The following SEMA3E variants were observed in gnomAD, a reference collection of about 807,000 sequenced individuals.
The protein encoded by SEMA3E is semaphorin-3E.
Under a neutral mutation model 93.6 loss-of-function variants are expected in SEMA3E, and 49 were observed. That is an observed-to-expected ratio of 0.52 (90% CI 0.42 to 0.66). SEMA3E has a LOEUF of 0.66. Among genes scored for constraint, SEMA3E ranks in the 30% least tolerant of loss-of-function variants. The pLI, the probability that SEMA3E is intolerant of heterozygous loss-of-function variation, is 0.00. For synonymous variants in SEMA3E, 363 were observed against 330.7 expected, an observed-to-expected ratio of 1.10 and a Z score of -1.06; for missense variants, 906 against 964.8, an observed-to-expected ratio of 0.94 and a Z score of 0.81.
intron 4 of SEMA3E, among the ~76,000 whole-genome samples, chr7:83,432,867 A>T (rs2115751603): frequency 6.6e-6 from 1 of 152,276 alleles, no homozygotes. Context: ...AATACAGAAA[A>T]AATAATTTAT....
chr7:83,472,194 T>G (rs1377545980), intron 2 of SEMA3E, among the ~76,000 whole-genome samples: 1 of 152,206 alleles, frequency 6.6e-6, no homozygotes, highest in African/African-American at 2.4e-5. Flanking sequence ...CCGAAATGGC[T>G]ACATGTCTAT....
At chr7:83,422,783 T>C (rs1788690857) in intron 4 of SEMA3E, among the ~76,000 whole-genome samples, 1 of 152,214 alleles carries the variant, frequency 6.6e-6, no homozygotes, top group Non-Finnish European at 1.5e-5. Flanking sequence ...TACAAGTACA[T>C]TGCGTATTTA....
chr7:83,527,198 G>GT (rs201323531), intron 1 of SEMA3E, among the ~76,000 whole-genome samples: 2 of 151,992 alleles, frequency 1.3e-5, no homozygotes, highest in African/African-American at 4.8e-5. Context: ...GGAAAAAAAG[G>GT]TTTTTTTCTC....
chr7:83,535,210 T>C (rs1430397194), intron 1 of SEMA3E, among the ~76,000 whole-genome samples: 1 of 152,144 alleles, frequency 6.6e-6, no homozygotes, highest in Admixed American at 6.6e-5. Context: ...AAGAGTTTCA[T>C]AGCTTGGGAC....
chr7:83,495,410 A>C (rs1333210844), intron 1 of SEMA3E, among the ~76,000 whole-genome samples: 1 of 151,840 alleles, frequency 6.6e-6, no homozygotes, highest in Non-Finnish European at 1.5e-5. Context: ...CATCTATCTC[A>C]TCCATAAGAA....
intron 4 of SEMA3E, among the ~76,000 whole-genome samples, chr7:83,425,600 T>C (rs1347942006): frequency 6.6e-6 from 1 of 152,206 alleles, no homozygotes; most frequent in African/African-American, 2.4e-5. Context: ...CCTATAATTT[T>C]ATATAAGGGA....
At chr7:83,437,168 A>C (rs1789021618) in intron 4 of SEMA3E, among the ~76,000 whole-genome samples, 1 of 152,144 alleles carries the variant, frequency 6.6e-6, no homozygotes, top group African/African-American at 2.4e-5. Context: ...GTAGTATTTC[A>C]AAGCACTATG....
chr7:83,439,840 CCTCT>C lies in SEMA3E; in HGVS notation c.457-21361_457-21358del, dbSNP rs368818804. Reference sequence around the variant, plus strand: ...TTGCATGATATTATGGTGGCTTATGCCTCTCTATCAATAACAGAATAGAATAGAA... The same window carrying C: ...TTGCATGATATTATGGTGGCTTATGCCTATCAATAACAGAATAGAATAGAA... On this transcript the variant is annotated intron_variant, in intron 4 of 16. Coordinates refer to ENST00000643230, the MANE Select transcript of SEMA3E (RefSeq NM_012431.3). Among the ~76,000 whole-genome samples the C allele has an allele frequency of 4.2e-3, 632 of 152,256 alleles. 6 individuals are homozygous for C. Among genetic ancestry groups the C allele is most frequent in the African/African-American group, 0.014 (570 of 41,554 alleles).
intron 1 of SEMA3E, among the ~76,000 whole-genome samples, chr7:83,609,917 A>G (rs1793213424): frequency 6.6e-6 from 1 of 151,980 alleles, no homozygotes; most frequent in Non-Finnish European, 1.5e-5. Flanking sequence ...ATAATTATGG[A>G]CAATAGGATT....
intron 1 of SEMA3E, among the ~76,000 whole-genome samples, chr7:83,543,050 T>G (rs1273893464): frequency 6.6e-6 from 1 of 152,100 alleles, no homozygotes; most frequent in Non-Finnish European, 1.5e-5. Context: ...TATGTTAATA[T>G]GGGCCTCAGT....
chr7:83,418,525 C>G (rs1788604506), intron 4 of SEMA3E, 42 bp from the exon 5 acceptor site: 3 of 1,299,392 alleles, frequency 2.3e-6, no homozygotes, highest in Non-Finnish European at 3.3e-6. Context: ...TATGCCTCCT[C>G]TAATAATCAT....
At chr7:83,411,918 C>T (rs962171948) in intron 5 of SEMA3E, among the ~76,000 whole-genome samples, 5 of 152,126 alleles carry the variant, frequency 3.3e-5, no homozygotes, top group Non-Finnish European at 7.4e-5. Flanking sequence ...TTCTCACACT[C>T]AACAATAGTC....
chr7:83,637,681 G>T (rs1331577970), intron 1 of SEMA3E, among the ~76,000 whole-genome samples: 1 of 152,054 alleles, frequency 6.6e-6, no homozygotes, highest in East Asian at 1.9e-4. Context: ...GGATGTGTTT[G>T]CTTCCCCTTC....
chr7:83,502,861 T>C (rs1014386357), intron 1 of SEMA3E, among the ~76,000 whole-genome samples: 1 of 152,160 alleles, frequency 6.6e-6, no homozygotes, highest in African/African-American at 2.4e-5. Context: ...AAGCACTAGA[T>C]AACAATATGT....
chr7:83,643,276 A>C (rs899429695), intron 1 of SEMA3E, among the ~76,000 whole-genome samples: 2 of 152,048 alleles, frequency 1.3e-5, no homozygotes, highest in African/African-American at 4.8e-5. Context: ...TAATTTTTAA[A>C]GCATATTTCA....
intron 4 of SEMA3E, among the ~76,000 whole-genome samples, chr7:83,429,081 A>T (rs1276092947): frequency 6.6e-6 from 1 of 152,094 alleles, no homozygotes; most frequent in Non-Finnish European, 1.5e-5. Flanking sequence ...AGGCCCAAAA[A>T]TATATATTAA....
chr7:83,616,174 C>A (rs1237268911), intron 1 of SEMA3E, among the ~76,000 whole-genome samples: 1 of 151,976 alleles, frequency 6.6e-6, no homozygotes, highest in Non-Finnish European at 1.5e-5. Flanking sequence ...TTCTCTTAAC[C>A]TTTTGGCAAA....
intron 4 of SEMA3E, among the ~76,000 whole-genome samples, chr7:83,419,688 G>A (rs559206695): frequency 6.6e-6 from 1 of 152,160 alleles, no homozygotes; most frequent in Non-Finnish European, 1.5e-5. Context: ...TTAGTGATAT[G>A]GAGCATTTTT....
At chr7:83,536,565 A>T (rs1257339400) in intron 1 of SEMA3E, among the ~76,000 whole-genome samples, 1 of 152,094 alleles carries the variant, frequency 6.6e-6, no homozygotes, top group Non-Finnish European at 1.5e-5. Flanking sequence ...TCAAGCCTAC[A>T]AACAGGCTGG....
Sources: allele counts gnomAD v4.1 joint callset (sites outside exome capture counted in the v4.1 genomes callset), GRCh38; gene constraint gnomAD v4.1.1; transcripts MANE v1.5; gene names NCBI Gene and HGNC (gene_info 2026-07-23, HGNC 2026-07-21).